Variants in OSBPL6 observed in about 807,000 individuals in gnomAD.
The protein encoded by OSBPL6 is oxysterol binding protein like 6.
A neutral mutation model predicts 125.8 loss-of-function variants in OSBPL6; 49 were observed. The observed-to-expected ratio is 0.39, with a 90% CI of 0.31 to 0.49. The LOEUF is 0.49. OSBPL6 is among the 20% of genes least tolerant of loss of function. OSBPL6 has a pLI of 0.88. For synonymous variants in OSBPL6, 394 were observed against 391.8 expected (o/e 1.01, Z -0.07); for missense variants, 986 against 1,135.4 (o/e 0.87, Z 1.89).
intron 10 of OSBPL6, 85 bp from the exon 11 acceptor site, chr2:178,339,587 T>A: frequency 1.9e-6 from 2 of 1,080,404 alleles, no homozygotes; most frequent in South Asian, 4.4e-5. Context: ...TGACCTTTAG[T>A]AACTTGCTGT....
rs749288869 is a variant in OSBPL6, at chr2:178,339,097, A to G, written c.894+3A>G. 3.2e-6 allele frequency: 5 copies of G among 1,573,378 alleles called. No homozygotes were observed. The South Asian group carries it at 5.6e-5, about 18-fold the overall frequency. On this transcript the variant is annotated splice_donor_region_variant and intron_variant, in intron 10 of 24. Coordinates refer to ENST00000190611, the MANE Select transcript of OSBPL6 (RefSeq NM_032523.4). ...CACCTAACTTTACTGACATGCAGGT[A>G]AACATATTCCTGCTGCTGGTAAAAG...
chr2:178,385,837 C>G (rs1407174189), intron 19 of OSBPL6, among the ~76,000 whole-genome samples: 1 of 152,238 alleles, frequency 6.6e-6, no homozygotes, highest in Non-Finnish European at 1.5e-5. Flanking sequence ...GAGGTTCCAT[C>G]TGCTGCCTTC....
intron 1 of OSBPL6, among the ~76,000 whole-genome samples, chr2:178,213,735 T>C (rs763135381): frequency 1.3e-5 from 2 of 152,230 alleles, no homozygotes; most frequent in East Asian, 3.8e-4. Context: ...TTTGAACTTA[T>C]ATGTTCCCCA....
At chr2:178,316,019 C>G (rs1687707728) in intron 3 of OSBPL6, among the ~76,000 whole-genome samples, 4 of 152,188 alleles carry the variant, frequency 2.6e-5, no homozygotes. Flanking sequence ...TCCACTGTAA[C>G]TCTCCTGGAC....
chr2:178,211,141 C>T (rs571049764), intron 1 of OSBPL6, among the ~76,000 whole-genome samples: 36 of 152,236 alleles, frequency 2.4e-4, no homozygotes, highest in African/African-American at 7.9e-4. Context: ...TGTGGTGGTG[C>T]GCGCCTGTAG....
intron 1 of OSBPL6, among the ~76,000 whole-genome samples, chr2:178,215,700 T>A (rs988097780): frequency 6.6e-6 from 1 of 151,806 alleles, no homozygotes; most frequent in Non-Finnish European, 1.5e-5. Context: ...AGAGTGTTAG[T>A]GGCAGGAGTT....
chr2:178,387,382 A>G (rs1399428997), intron 20 of OSBPL6, among the ~76,000 whole-genome samples: 1 of 152,184 alleles, frequency 6.6e-6, no homozygotes, highest in African/African-American at 2.4e-5. Context: ...GGTACCTCCC[A>G]TGGCCCAGTC....
At chr2:178,373,802 T>C in intron 14 of OSBPL6, 88 bp from the exon 15 acceptor site, 3 of 1,508,896 alleles carry the variant, frequency 2.0e-6, no homozygotes, top group South Asian at 2.5e-5. Flanking sequence ...ACATACAGTA[T>C]TAAAGAGTAG....
At chr2:178,352,458 C>T (rs1057497348) in intron 12 of OSBPL6, among the ~76,000 whole-genome samples, 18 of 152,194 alleles carry the variant, frequency 1.2e-4, no homozygotes, top group African/African-American at 4.1e-4. Flanking sequence ...CTTGGTGGGT[C>T]CTATGCCCAT....
intron 1 of OSBPL6, among the ~76,000 whole-genome samples, chr2:178,213,050 G>T (rs543270714): frequency 2.0e-5 from 3 of 152,068 alleles, no homozygotes; most frequent in Non-Finnish European, 4.4e-5. Context: ...CTCGTGATCC[G>T]CCTGCCTCGG....
intron 1 of OSBPL6, among the ~76,000 whole-genome samples, chr2:178,251,993 A>G (rs1470805907): frequency 6.6e-6 from 1 of 152,194 alleles, no homozygotes; most frequent in Non-Finnish European, 1.5e-5. Context: ...ATGTTCTTTT[A>G]AAACTACAGT....
chr2:178,196,298 T>C (rs1022377450), intron 1 of OSBPL6, among the ~76,000 whole-genome samples: 1 of 145,884 alleles, frequency 6.9e-6, no homozygotes, highest in Non-Finnish European at 1.5e-5. Flanking sequence ...AGTTCATATA[T>C]TTTTTCCCTA....
intron 3 of OSBPL6, among the ~76,000 whole-genome samples, chr2:178,316,250 T>C (rs1449264108): frequency 3.3e-5 from 5 of 152,192 alleles, no homozygotes; most frequent in Non-Finnish European, 7.3e-5. Context: ...AATTTAGTGA[T>C]ATGTATCTAA....
chr2:178,258,313 C>A (rs887078770), intron 1 of OSBPL6, among the ~76,000 whole-genome samples: 9 of 152,216 alleles, frequency 5.9e-5, no homozygotes, highest in Admixed American at 1.3e-4. Context: ...GTTGGCTGGT[C>A]TCAAACTTCT....
intron 12 of OSBPL6, among the ~76,000 whole-genome samples, chr2:178,350,177 A>G (rs1168775418): frequency 6.6e-6 from 1 of 152,184 alleles, no homozygotes; most frequent in Non-Finnish European, 1.5e-5. Flanking sequence ...TATAAATTAA[A>G]TTGTTATAAT....
chr2:178,358,463 A>G (rs1692023433), intron 12 of OSBPL6, among the ~76,000 whole-genome samples: 1 of 152,170 alleles, frequency 6.6e-6, no homozygotes, highest in Non-Finnish European at 1.5e-5. Context: ...TGATCAACTA[A>G]TTTTCAACAA....
intron 15 of OSBPL6, among the ~76,000 whole-genome samples, chr2:178,379,296 GAAGA>G (rs781010352): frequency 2.3e-4 from 28 of 119,432 alleles, no homozygotes; most frequent in Non-Finnish European, 4.3e-4. Context: ...AAGAAAGAAA[GAAGA>G]AAGAAAGAAA....
chr2:178,373,724 G>T (rs1209825361), intron 14 of OSBPL6, among the ~76,000 whole-genome samples, 166 bp from the exon 15 acceptor site: 1 of 152,154 alleles, frequency 6.6e-6, no homozygotes, highest in Admixed American at 6.5e-5. Context: ...TAGACACATT[G>T]GAAGGAAACT....
chr2:178,320,955 C>G (rs924335476), intron 3 of OSBPL6, among the ~76,000 whole-genome samples: 1 of 152,070 alleles, frequency 6.6e-6, no homozygotes, highest in African/African-American at 2.4e-5. Flanking sequence ...GTCAAGAGAT[C>G]GAGACCATCC....
Sources: allele counts gnomAD v4.1 joint callset (sites outside exome capture counted in the v4.1 genomes callset), GRCh38; gene constraint gnomAD v4.1.1; transcripts MANE v1.5; gene names NCBI Gene and HGNC (gene_info 2026-07-23, HGNC 2026-07-21).